The following MYO16 variants were observed in gnomAD, a reference collection of about 807,000 sequenced individuals.
MYO16 encodes the protein myosin XVI, also known as unconventional myosin-XVI.
A neutral mutation model predicts 205.3 loss-of-function variants in MYO16; 94 were observed. The ratio of observed to expected loss-of-function variants is 0.46; its 90% CI spans 0.39 to 0.54. MYO16 has a LOEUF of 0.54. Ranked by LOEUF, MYO16 falls within the 20% of genes least tolerant of loss-of-function variation. The pLI, the probability that MYO16 is intolerant of heterozygous loss-of-function variation, is 0.00. For synonymous variants in MYO16, 988 were observed against 954.0 expected (o/e 1.04, Z -0.66); for missense variants, 2,315 against 2,387.5 (o/e 0.97, Z 0.63).
At chr13:108,977,875 ATTC>A in intron 20 of MYO16, among the ~76,000 whole-genome samples, 1 of 152,252 alleles carries the variant, frequency 6.6e-6, no homozygotes, top group East Asian at 1.9e-4. Flanking sequence ...CCATAAAACA[ATTC>A]TTCTGGGATG....
intron 27 of MYO16, among the ~76,000 whole-genome samples, chr13:109,070,880 G>A (rs1390187728): frequency 6.6e-6 from 1 of 152,124 alleles, no homozygotes; most frequent in African/African-American, 2.4e-5. Flanking sequence ...CTGTATTGGT[G>A]ATCTCATGTT....
chr13:108,920,388 CTCCT>C (rs1054311297), intron 16 of MYO16, among the ~76,000 whole-genome samples: 45 of 148,868 alleles, frequency 3.0e-4, no homozygotes, highest in Middle Eastern at 3.5e-3. Flanking sequence ...TTCTCTCTCT[CTCCT>C]TCCTTCCTTC....
At chr13:108,562,560 G>A in the MYO16 span, among the ~76,000 whole-genome samples, 1 of 152,116 alleles carries the variant, frequency 6.6e-6, no homozygotes, top group Non-Finnish European at 1.5e-5. Flanking sequence ...TATGCAAACT[G>A]CTTAGGGTAT....
chr13:108,782,465 A>G (rs1003739249), intron 4 of MYO16, among the ~76,000 whole-genome samples: 6 of 152,228 alleles, frequency 3.9e-5, no homozygotes, highest in African/African-American at 1.2e-4. Context: ...ACAGCATAAA[A>G]GTTCAGAAAA....
In MYO16 at chr13:108,676,370, CGCGTGTGTGT is replaced by C. The variant is rs1214970967; in HGVS notation, c.292+10223_292+10232del. The stretch of plus-strand genomic sequence containing the variant: ...TTCTGCTAATGTGTGATTATATGTA[CGCGTGTGTGT>C]GTGTGTGTGTGTGTGTGTGTGTGTG... On this transcript the variant is annotated intron_variant, in intron 2 of 34. Coordinates refer to ENST00000457511, the MANE Select transcript of MYO16 (RefSeq NM_001198950.3). Among the ~76,000 whole-genome samples the C allele has an allele frequency of 2.6e-4, 7 of 27,262 alleles. No individual in the cohort carries two copies. The South Asian group carries it at 0.012, about 47-fold the overall frequency. The allele number at this position is 27,262 out of a possible 152,430, so 17.9% of individuals were successfully genotyped here.
Position 109,022,693 on chromosome 13 carries a change from T to C in MYO16, c.2796+2782T>C, listed in dbSNP as rs1046838509. Among the ~76,000 whole-genome samples the C allele has an allele frequency of 7.7e-5, 9 of 117,354 alleles. No individual in the cohort carries two copies. In the South Asian group the frequency reaches 1.9e-3, roughly 25 times the overall value. 77.0% of individuals were successfully genotyped at this position (117,354 alleles called of 152,430 possible). On this transcript the variant is annotated intron_variant, in intron 23 of 34. Coordinates refer to ENST00000457511, the MANE Select transcript of MYO16 (RefSeq NM_001198950.3). ...TTATATATACACATATAAACATGTATATATTTATATATTATATATACGCAT... is the reference window on the plus strand; with the variant it reads ...TTATATATACACATATAAACATGTACATATTTATATATTATATATACGCAT...
rs529204397 is a variant in MYO16 at position 108,994,220 on chromosome 13, C to A, written c.2442+1772C>A. Among the ~76,000 whole-genome samples the A allele has an allele frequency of 4.0e-5, 6 of 151,592 alleles. 1 individual carries two copies. The highest frequency in any genetic ancestry group is 1.3e-4 in the Admixed American group (2 of 15,172). On this transcript the variant is annotated intron_variant, in intron 21 of 34. Coordinates refer to ENST00000457511, the MANE Select transcript of MYO16 (RefSeq NM_001198950.3). ...TGGCATTTTTTTCACATCTAAAGAG[C>A]CAGTCTCTATTAAATGCCAAAAGCT...
At chr13:109,014,048 A>G (rs1472451628) in intron 22 of MYO16, among the ~76,000 whole-genome samples, 4 of 152,180 alleles carry the variant, frequency 2.6e-5, no homozygotes, top group Non-Finnish European at 4.4e-5. Context: ...GCCCATGCCT[A>G]TGTCCTGAAT....
At chr13:108,817,756 G>A (rs938847906) in intron 7 of MYO16, among the ~76,000 whole-genome samples, 6 of 152,112 alleles carry the variant, frequency 3.9e-5, no homozygotes, top group South Asian at 2.1e-4. Context: ...TTTGACTTCC[G>A]TTGTTTTGAC....
At chr13:108,665,135 G>T (rs1881668032) in intron 1 of MYO16, among the ~76,000 whole-genome samples, 1 of 152,142 alleles carries the variant, frequency 6.6e-6, no homozygotes. Flanking sequence ...GCCCAGACTG[G>T]AGTGCAGTGG....
At position 109,162,636 on chromosome 13, in the gene MYO16, T is replaced by C. The variant is rs1317557102; in HGVS notation, c.5165-2265T>C. Among the ~76,000 whole-genome samples the C allele has an allele frequency of 6.6e-6, 1 of 152,140 alleles. No homozygotes were observed. Among genetic ancestry groups the C allele is most frequent in the Non-Finnish European group, 1.5e-5 (1 of 68,036 alleles). ...ATCTGCTTGTTTATTGCCAATCACCTTTTTGGGAGAGAAGCTCCCAGGTAC... is the reference window on the plus strand; with the variant it reads ...ATCTGCTTGTTTATTGCCAATCACCCTTTTGGGAGAGAAGCTCCCAGGTAC... On this transcript the variant is annotated intron_variant, in intron 32 of 34. Coordinates refer to ENST00000457511, the MANE Select transcript of MYO16 (RefSeq NM_001198950.3). The surrounding 1 kb of genome is among the most constrained non-coding windows in gnomAD (Gnocchi z 4.6).
chr13:108,876,611 G>A (rs377286377), intron 12 of MYO16, among the ~76,000 whole-genome samples: 2 of 151,118 alleles, frequency 1.3e-5, no homozygotes, highest in African/African-American at 4.9e-5. Context: ...CAAAAAGTGG[G>A]TATACCACTA....
the MYO16 span, among the ~76,000 whole-genome samples, chr13:108,573,634 A>G: frequency 6.6e-6 from 1 of 152,210 alleles, no homozygotes; most frequent in Non-Finnish European, 1.5e-5. Context: ...GTAGTCTGGG[A>G]GTAGAAGCAG....
At chr13:108,623,641 C>T (rs1223986134) in intron 1 of MYO16, among the ~76,000 whole-genome samples, 1 of 152,104 alleles carries the variant, frequency 6.6e-6, no homozygotes, top group East Asian at 1.9e-4. Flanking sequence ...AATAATCCTG[C>T]CTTTAATAAA....
chr13:108,980,075 T>C (rs913108676), intron 20 of MYO16, among the ~76,000 whole-genome samples: 1 of 152,100 alleles, frequency 6.6e-6, no homozygotes, highest in Non-Finnish European at 1.5e-5. Context: ...GAGAGGAAAA[T>C]AGATTTATCA....
chr13:108,499,290 T>G, the MYO16 span, among the ~76,000 whole-genome samples: 2 of 152,232 alleles, frequency 1.3e-5, no homozygotes, highest in Non-Finnish European at 2.9e-5. Context: ...GACCTTGACT[T>G]TGAAGATTGT....
intron 9 of MYO16, among the ~76,000 whole-genome samples, chr13:108,832,716 T>G (rs572846627): frequency 4.6e-5 from 7 of 152,190 alleles, no homozygotes; most frequent in Non-Finnish European, 7.3e-5. Flanking sequence ...ATTTAAGCAA[T>G]AATAAATCAT....
At chr13:108,913,725 T>C (rs533187075) in intron 16 of MYO16, among the ~76,000 whole-genome samples, 5 of 152,344 alleles carry the variant, frequency 3.3e-5, no homozygotes, top group African/African-American at 1.2e-4. Context: ...TCCGTGCTTC[T>C]GTATTTGAGT....
chr13:108,955,974 A>G (rs898085250), intron 16 of MYO16, among the ~76,000 whole-genome samples: 8 of 152,092 alleles, frequency 5.3e-5, no homozygotes, highest in Non-Finnish European at 1.5e-5. Context: ...CCAGCGTCTC[A>G]TTTTGAGTGA....
Sources: allele counts gnomAD v4.1 joint callset (sites outside exome capture counted in the v4.1 genomes callset), GRCh38; gene constraint gnomAD v4.1.1; non-coding constraint Gnocchi (gnomAD v3.1); transcripts MANE v1.5; gene names NCBI Gene and HGNC (gene_info 2026-07-23, HGNC 2026-07-21).